Variants in NBEA observed in about 807,000 individuals in gnomAD.
The protein encoded by NBEA is neurobeachin.
In NBEA, 44 loss-of-function variants were observed where a neutral mutation model predicts 343.4. The observed-to-expected ratio is 0.13, with a 90% CI of 0.10 to 0.16. NBEA has a LOEUF of 0.16. Among genes scored for constraint, NBEA ranks in the 10% least tolerant of loss-of-function variants. The pLI is 1.00. For missense variants in NBEA, 2,555 were observed against 3,631.3 expected, an observed-to-expected ratio of 0.70 and a Z score of 7.62; for synonymous variants, 1,175 against 1,238.7, an observed-to-expected ratio of 0.95 and a Z score of 1.08.
At chr13:35,400,200 A>T (rs1195114741) in intron 38 of NBEA, among the ~76,000 whole-genome samples, 2 of 17,878 alleles carry the variant, frequency 1.1e-4, no homozygotes. Context: ...AATTTGTAAA[A>T]AAAAAAAAAA....
intron 40 of NBEA, among the ~76,000 whole-genome samples, chr13:35,471,117 T>C (rs2075624462): frequency 6.6e-6 from 1 of 152,102 alleles, no homozygotes; most frequent in Non-Finnish European, 1.5e-5. Flanking sequence ...ACTGTCACAG[T>C]TTGCTCCTTA....
chr13:35,380,454 T>TATAATA (rs550439401), intron 38 of NBEA, among the ~76,000 whole-genome samples: 2 of 151,550 alleles, frequency 1.3e-5, no homozygotes, highest in African/African-American at 2.4e-5. Context: ...TCTCAAAAAA[T>TATAATA]ATAATAATAA....
intron 1 of NBEA, among the ~76,000 whole-genome samples, chr13:34,943,947 A>C (rs1339833503): frequency 6.6e-6 from 1 of 152,210 alleles, no homozygotes; most frequent in African/African-American, 2.4e-5. Flanking sequence ...TGCGCTATCT[A>C]CAGAGAGGCT....
chr13:35,236,994 T>TA (rs2075271082), intron 34 of NBEA, among the ~76,000 whole-genome samples: 1 of 152,102 alleles, frequency 6.6e-6, no homozygotes, highest in African/African-American at 2.4e-5. Context: ...TGTGTTTGCA[T>TA]AGGATATTAT....
Position 35,604,416 on chromosome 13 carries a change from C to T in NBEA, c.7297-2010C>T, listed in dbSNP as rs186557040. Among the ~76,000 whole-genome samples, 281 of 151,942 alleles carry T rather than the reference C, an allele frequency of 1.8e-3. 2 individuals are homozygous for T. The highest frequency in any genetic ancestry group is 6.6e-3 in the African/African-American group (274 of 41,442). ...GGCCCCTAGTGTGAGCCATCTAATT[C>T]CCTCTCTTTAGCTCTGTTGTAGATT... On this transcript the variant is annotated intron_variant, in intron 47 of 58. Transcript: ENST00000379939.
At chr13:35,345,771 G>T (rs1393993467) in intron 36 of NBEA, among the ~76,000 whole-genome samples, 1 of 152,018 alleles carries the variant, frequency 6.6e-6, no homozygotes, top group East Asian at 1.9e-4. Flanking sequence ...AGAGGAAAGA[G>T]AGCAGCAAGG....
intron 38 of NBEA, among the ~76,000 whole-genome samples, chr13:35,355,411 T>C (rs756845008): frequency 3.9e-5 from 6 of 152,116 alleles, no homozygotes; most frequent in Non-Finnish European, 5.9e-5. Flanking sequence ...TGTGTGGCTA[T>C]TCAAATTTAA....
At chr13:35,225,843 T>A (rs771986919) in intron 33 of NBEA, among the ~76,000 whole-genome samples, 1 of 152,120 alleles carries the variant, frequency 6.6e-6, no homozygotes, top group South Asian at 2.1e-4. Flanking sequence ...AGCTCTCTGA[T>A]GAGGCCTAAC....
chr13:35,481,775 A>G (rs563583222), intron 41 of NBEA, among the ~76,000 whole-genome samples: 76 of 152,010 alleles, frequency 5.0e-4, no homozygotes, highest in African/African-American at 1.7e-3. Flanking sequence ...AAAATTAGGT[A>G]TTTCCTAACC....
In NBEA at chr13:35,305,627, C is replaced by A. The variant is rs1225534291; in HGVS notation, c.5839-3901C>A. ...CTCCATCTTGGCTGCCAACAGTGTT[C>A]CAGACAATTGCAACATAGTATGACT... On this transcript the variant is annotated intron_variant, in intron 35 of 58. Transcript: ENST00000379939. Among the ~76,000 whole-genome samples the A allele has an allele frequency of 3.9e-5, 6 of 152,084 alleles. No individual in the cohort carries two copies. In the East Asian group the frequency reaches 1.2e-3, roughly 29 times the overall value.
At chr13:35,092,254 C>T (rs974408071) in intron 10 of NBEA, among the ~76,000 whole-genome samples, 5 of 151,900 alleles carry the variant, frequency 3.3e-5, no homozygotes, top group Non-Finnish European at 5.9e-5. Context: ...AAATATAAAA[C>T]ATGAAACTCT....
chr13:35,044,157 A>G (rs1417112412), intron 2 of NBEA, among the ~76,000 whole-genome samples: 1 of 152,180 alleles, frequency 6.6e-6, no homozygotes, highest in Non-Finnish European at 1.5e-5. Flanking sequence ...AGCATGATGG[A>G]TACCACTATT....
chr13:35,279,448 A>C (rs1348350954), intron 34 of NBEA, among the ~76,000 whole-genome samples: 2 of 152,192 alleles, frequency 1.3e-5, no homozygotes, highest in Non-Finnish European at 2.9e-5. Context: ...TTCAGACTAA[A>C]ATAATTCTGA....
At chr13:35,173,665 A>T in intron 27 of NBEA, 71 bp downstream of exon 27, 3 of 1,473,914 alleles carry the variant, frequency 2.0e-6, no homozygotes, top group Non-Finnish European at 1.8e-6. Context: ...GATGAGAACA[A>T]AGTGCCATGG....
intron 10 of NBEA, among the ~76,000 whole-genome samples, chr13:35,073,344 G>A (rs2063959806): frequency 6.6e-6 from 1 of 152,152 alleles, no homozygotes; most frequent in South Asian, 2.1e-4. Flanking sequence ...AAATCTTACA[G>A]AGAAAATTTA....
At chr13:35,035,792 G>A (rs1365119023) in intron 1 of NBEA, among the ~76,000 whole-genome samples, 1 of 151,816 alleles carries the variant, frequency 6.6e-6, no homozygotes, top group Non-Finnish European at 1.5e-5. Flanking sequence ...TATAGTTTTT[G>A]TCTTGAAATC....
intron 35 of NBEA, among the ~76,000 whole-genome samples, chr13:35,295,211 T>C (rs2036047970): frequency 6.6e-6 from 1 of 150,422 alleles, no homozygotes; most frequent in African/African-American, 2.4e-5. Flanking sequence ...TGTAATCCAA[T>C]ACCTTCCTCA....
intron 10 of NBEA, among the ~76,000 whole-genome samples, chr13:35,095,230 TA>T (rs1048455850): frequency 6.6e-6 from 1 of 151,364 alleles, no homozygotes; most frequent in African/African-American, 2.4e-5. Context: ...CATTAGTTAT[TA>T]AAAAAATTAA....
At position 35,355,986 on chromosome 13, in the gene NBEA, A is replaced by G. The variant is rs563124646; in HGVS notation, c.6179+3663A>G. Among the ~76,000 whole-genome samples the G allele has an allele frequency of 9.9e-5, 15 of 152,152 alleles. No homozygotes were observed. The South Asian group carries it at 2.7e-3, about 27-fold the overall frequency. ...ATTGTTTTGTTTTCCAATAGCATGT[A>G]AGCTTCATAATGTAATAGATTCTTT... On this transcript the variant is annotated intron_variant, in intron 38 of 58. Coordinates refer to ENST00000379939, the MANE Select transcript of NBEA (RefSeq NM_001385012.1).
Sources: gnomAD v4.1 joint callset for allele counts (sites outside exome capture counted in the v4.1 genomes callset) on GRCh38, gnomAD v4.1.1 for gene constraint, MANE v1.5 for transcripts, NCBI Gene and HGNC (gene_info 2026-07-23, HGNC 2026-07-21) for gene names.